The following WDFY4 variants were observed in gnomAD, a reference collection of about 807,000 sequenced individuals.
WDFY4 encodes the protein WD repeat- and FYVE domain-containing protein 4.
Under a neutral mutation model 351.9 loss-of-function variants are expected in WDFY4, and 169 were observed. The ratio of observed to expected loss-of-function variants is 0.48; its 90% CI spans 0.42 to 0.55. The LOEUF is 0.55. Among genes scored for constraint, WDFY4 ranks in the 20% least tolerant of loss-of-function variants. The pLI is 0.00. For synonymous variants in WDFY4, 1,622 were observed against 1,574.6 expected, an observed-to-expected ratio of 1.03 and a Z score of -0.71; for missense variants, 3,803 against 3,935.6, an observed-to-expected ratio of 0.97 and a Z score of 0.90.
At chr10:48,941,607 T>G (rs999712626) in intron 47 of WDFY4, among the ~76,000 whole-genome samples, 199 bp from the exon 48 acceptor site, 46 of 152,272 alleles carry the variant, frequency 3.0e-4, no homozygotes, top group African/African-American at 9.9e-4. Flanking sequence ...GAACCTAACC[T>G]TCAGCAGGCC....
intron 12 of WDFY4, among the ~76,000 whole-genome samples, chr10:48,758,898 G>C (rs948294783): frequency 6.6e-6 from 1 of 152,160 alleles, no homozygotes; most frequent in Non-Finnish European, 1.5e-5. Flanking sequence ...GGCATTTGTT[G>C]GTTGTCTTTT....
Position 48,890,530 on chromosome 10 carries a change from T to C in WDFY4, c.7168-49T>C, listed in dbSNP as rs1201750691. The C allele has an allele frequency of 5.8e-6, 9 of 1,550,048 alleles. No individual in the cohort carries two copies. The East Asian group carries it at 2.2e-4, about 38-fold the overall frequency. ...ACCCTCCTGTTTCCCCCAAGAATCA[T>C]GGGCATGCTTCCTGTGCACCACCTG... On this transcript the variant is annotated intron_variant, in intron 43 of 61. Transcript: ENST00000325239.
intron 12 of WDFY4, chr10:48,745,783 A>C: frequency 2.3e-6 from 1 of 432,582 alleles, no homozygotes; most frequent in South Asian, 2.1e-5. Context: ...GGCAGCAGAA[A>C]CACCCATCTA....
At position 48,828,643 on chromosome 10, in the gene WDFY4, T is replaced by G. The variant is rs534448244; in HGVS notation, c.6222-135T>G. On this transcript the variant is annotated intron_variant, in intron 36 of 61. Coordinates refer to ENST00000325239, the MANE Select transcript of WDFY4 (RefSeq NM_001394531.1). ...ATTTCTTATAAAGTGTTTGCTTTAATTTGATTAGGCAAGTTTTTTTCCATA... is the reference window on the plus strand; with the variant it reads ...ATTTCTTATAAAGTGTTTGCTTTAAGTTGATTAGGCAAGTTTTTTTCCATA... 178 of 552,390 alleles carry G rather than the reference T, an allele frequency of 3.2e-4. 4 individuals are homozygous for G. In the South Asian group the frequency reaches 4.5e-3, roughly 14 times the overall value. 34.2% of individuals were successfully genotyped at this position (552,390 alleles called of 1,614,324 possible). A position where few individuals can be genotyped will look rare whatever the true frequency, so the allele number is the denominator to read the frequency against.
At chr10:48,981,112 A>G (rs1050514690) in intron 60 of WDFY4, among the ~76,000 whole-genome samples, 1 of 152,244 alleles carries the variant, frequency 6.6e-6, no homozygotes, top group Non-Finnish European at 1.5e-5. Flanking sequence ...GCAATAATAC[A>G]CAAATCCAAT....
At chr10:48,828,993 C>T (rs1200492349) in intron 37 of WDFY4, 97 bp downstream of exon 37, 23 of 680,932 alleles carry the variant, frequency 3.4e-5, no homozygotes, top group African/African-American at 1.9e-4. Flanking sequence ...TTCTTCAGTT[C>T]GTCCTTCCCG....
intron 27 of WDFY4, among the ~76,000 whole-genome samples, chr10:48,806,406 T>G (rs2067257419): frequency 6.6e-6 from 1 of 152,212 alleles, no homozygotes; most frequent in Non-Finnish European, 1.5e-5. Context: ...CACTACCCCT[T>G]ACTTTCCTGA....
At chr10:48,964,909 C>A (rs1252487988) in intron 54 of WDFY4, among the ~76,000 whole-genome samples, 4 of 152,182 alleles carry the variant, frequency 2.6e-5, no homozygotes, top group Non-Finnish European at 1.5e-5. Context: ...GCAGTTAGTG[C>A]TAAACTAACA....
chr10:48,803,621 A>G (rs2067156645), intron 25 of WDFY4, among the ~76,000 whole-genome samples: 1 of 152,164 alleles, frequency 6.6e-6, no homozygotes, highest in African/African-American at 2.4e-5. Context: ...TGTGACCAGC[A>G]AAGGTCCACT....
chr10:48,891,249 A>G (rs147871396), intron 44 of WDFY4, among the ~76,000 whole-genome samples: 45 of 152,268 alleles, frequency 3.0e-4, no homozygotes, highest in Admixed American at 9.2e-4. Context: ...AGGGATCAAG[A>G]TCTGGGTTTT....
chr10:48,800,275 G>GA (rs1420154138), intron 24 of WDFY4, among the ~76,000 whole-genome samples: 3 of 152,232 alleles, frequency 2.0e-5, no homozygotes, highest in African/African-American at 7.2e-5. Flanking sequence ...ATAGTAGTGG[G>GA]AGAAGAAACT....
At chr10:48,833,691 CA>C (rs1166575670) in intron 39 of WDFY4, among the ~76,000 whole-genome samples, 13 of 152,160 alleles carry the variant, frequency 8.5e-5, no homozygotes, top group Non-Finnish European at 1.9e-4. Flanking sequence ...ATTCTAATCC[CA>C]GGGGCACTGA....
chr10:48,841,416 A>C (rs2133121602), intron 39 of WDFY4, among the ~76,000 whole-genome samples: 1 of 151,246 alleles, frequency 6.6e-6, no homozygotes, highest in African/African-American at 2.4e-5. Context: ...TTTTCGGAAA[A>C]GTTTCTGTAA....
At chr10:48,881,071 G>A (rs989711552) in intron 43 of WDFY4, among the ~76,000 whole-genome samples, 2 of 152,220 alleles carry the variant, frequency 1.3e-5, no homozygotes, top group African/African-American at 4.8e-5. Flanking sequence ...GGTCTCACTG[G>A]TTTGTGGCAA....
intron 43 of WDFY4, among the ~76,000 whole-genome samples, chr10:48,883,408 G>A (rs1045267617): frequency 6.6e-6 from 1 of 152,058 alleles, no homozygotes; most frequent in African/African-American, 2.4e-5. Flanking sequence ...GTGTGTGTGT[G>A]TTACTCTCTA....
chr10:48,965,696 G>A (rs932141021), intron 54 of WDFY4, among the ~76,000 whole-genome samples: 28 of 152,070 alleles, frequency 1.8e-4, no homozygotes, highest in Non-Finnish European at 3.4e-4. Flanking sequence ...CTTCTGGCTG[G>A]AAAGAGCAGC....
intron 43 of WDFY4, among the ~76,000 whole-genome samples, chr10:48,887,741 T>A (rs1349266678): frequency 6.8e-6 from 1 of 147,272 alleles, no homozygotes; most frequent in Non-Finnish European, 1.5e-5. Flanking sequence ...ATCTCGCCAC[T>A]GCACTCCAGC....
chr10:48,713,091 G>C (rs112692843), intron 2 of WDFY4, among the ~76,000 whole-genome samples: 2 of 152,156 alleles, frequency 1.3e-5, no homozygotes, highest in Non-Finnish European at 1.5e-5. Context: ...ACTTCTGCTC[G>C]GAAAGGCCAT....
At chr10:48,744,530 T>G (rs1430685460) in intron 12 of WDFY4, among the ~76,000 whole-genome samples, 1 of 152,266 alleles carries the variant, frequency 6.6e-6, no homozygotes, top group Admixed American at 6.5e-5. Flanking sequence ...ATTTTTGCAC[T>G]GATATTCAGG....
Sources: allele counts gnomAD v4.1 joint callset (sites outside exome capture counted in the v4.1 genomes callset), GRCh38; gene constraint gnomAD v4.1.1; transcripts MANE v1.5; gene names NCBI Gene and HGNC (gene_info 2026-07-23, HGNC 2026-07-21).